Variants in SUPT3H observed in about 807,000 individuals in gnomAD.
SUPT3H encodes SPT3 homolog, SAGA and STAGA complex component.
A neutral mutation model predicts 44.3 loss-of-function variants in SUPT3H; 44 were observed. The ratio of observed to expected loss-of-function variants is 0.99; its 90% CI spans 0.78 to 1.28. SUPT3H has a LOEUF of 1.28. Ranked by LOEUF, SUPT3H falls within the 50% of genes most tolerant of loss-of-function variation. SUPT3H has a pLI of 0.00. For synonymous variants in SUPT3H, 124 were observed against 125.6 expected, an observed-to-expected ratio of 0.99 and a Z score of 0.09; for missense variants, 380 against 387.1, an observed-to-expected ratio of 0.98 and a Z score of 0.15.
chr6:45,357,508 A>G (rs1319868268), intron 2 of SUPT3H, among the ~76,000 whole-genome samples: 1 of 151,882 alleles, frequency 6.6e-6, no homozygotes, highest in South Asian at 2.1e-4. Context: ...TATTTTCTGT[A>G]GAGACAGCGT....
At chr6:45,322,674 T>C (rs530677699) in intron 2 of SUPT3H, among the ~76,000 whole-genome samples, 17 of 152,244 alleles carry the variant, frequency 1.1e-4, no homozygotes, top group African/African-American at 4.1e-4. Flanking sequence ...TCGCCTTTAC[T>C]GAAACCAATG....
intron 6 of SUPT3H, among the ~76,000 whole-genome samples, chr6:44,982,232 C>G (rs1332478746): frequency 6.6e-6 from 1 of 151,118 alleles, no homozygotes. Flanking sequence ...GTCACCCAGG[C>G]TTTTTTTTTG....
chr6:45,047,017 A>G (rs1789506318), intron 3 of SUPT3H, among the ~76,000 whole-genome samples: 1 of 152,240 alleles, frequency 6.6e-6, no homozygotes, highest in African/African-American at 2.4e-5. Flanking sequence ...GTATATAAAA[A>G]TACAATTACA....
intron 3 of SUPT3H, among the ~76,000 whole-genome samples, chr6:45,025,511 C>T (rs372513817): frequency 3.3e-5 from 5 of 152,246 alleles, no homozygotes; most frequent in African/African-American, 1.2e-4. Context: ...TATGTAAAAT[C>T]GATGGCCTTT....
rs114205392 is a variant in SUPT3H, at chr6:45,345,986, C to T, written c.101+19215G>A. 7.5e-3 allele frequency among the ~76,000 whole-genome samples: 1,143 copies of T among 152,260 alleles called. 21 individuals carry two copies. Among genetic ancestry groups the T allele is most frequent in the African/African-American group, 0.026 (1,086 of 41,538 alleles). On this transcript the variant is annotated intron_variant, in intron 2 of 10. Transcript: ENST00000371459. Reference sequence around the variant, plus strand: ...ACTTGCAATATTCCCTACCTATCCTCACTGTCACCCTACCTACAAATCTCT... The same window carrying T: ...ACTTGCAATATTCCCTACCTATCCTTACTGTCACCCTACCTACAAATCTCT...
At chr6:45,158,298 A>ATATATATATATATATATATTTT in intron 2 of SUPT3H, among the ~76,000 whole-genome samples, 2 of 99,694 alleles carry the variant, frequency 2.0e-5, no homozygotes, top group African/African-American at 1.0e-4. Flanking sequence ...ATATATATAT[A>ATATATATATATATATATATTTT]TTTTTTTTTT....
At chr6:44,991,084 T>C (rs1017757348) in intron 6 of SUPT3H, among the ~76,000 whole-genome samples, 1 of 151,952 alleles carries the variant, frequency 6.6e-6, no homozygotes, top group African/African-American at 2.4e-5. Flanking sequence ...GTGAGAATAA[T>C]GAGGAAATAA....
At chr6:45,343,733 T>G (rs1029822383) in intron 2 of SUPT3H, among the ~76,000 whole-genome samples, 1 of 152,208 alleles carries the variant, frequency 6.6e-6, no homozygotes, top group Non-Finnish European at 1.5e-5. Flanking sequence ...AAATGGTGTC[T>G]CTGTCCCATG....
chr6:44,978,787 T>G (rs1212847416), intron 6 of SUPT3H, among the ~76,000 whole-genome samples: 1 of 151,972 alleles, frequency 6.6e-6, no homozygotes, highest in East Asian at 1.9e-4. Flanking sequence ...GGGAGAGAGT[T>G]TGGTCTGTCA....
intron 2 of SUPT3H, among the ~76,000 whole-genome samples, chr6:45,198,640 T>A (rs1816481977): frequency 6.6e-6 from 1 of 151,308 alleles, no homozygotes; most frequent in African/African-American, 2.4e-5. Flanking sequence ...TAAAATAACT[T>A]CTTGATATAA....
At chr6:44,960,275 T>G (rs1444427948) in intron 7 of SUPT3H, among the ~76,000 whole-genome samples, 1 of 150,712 alleles carries the variant, frequency 6.6e-6, no homozygotes, top group Non-Finnish European at 1.5e-5. Flanking sequence ...GGTGTGGTGG[T>G]GCACGCCTGT....
chr6:45,140,673 C>T (rs1426141029), intron 2 of SUPT3H, among the ~76,000 whole-genome samples: 10 of 151,992 alleles, frequency 6.6e-5, no homozygotes, highest in Non-Finnish European at 1.5e-5. Flanking sequence ...ACCTCCAGCA[C>T]AGCAGGTTGC....
intron 3 of SUPT3H, among the ~76,000 whole-genome samples, chr6:45,061,737 T>C (rs1007011578): frequency 2.0e-5 from 3 of 152,308 alleles, no homozygotes; most frequent in Non-Finnish European, 2.9e-5. Flanking sequence ...ATTATGACTA[T>C]ATATATCAAT....
At chr6:45,297,009 T>A (rs1295604559) in intron 2 of SUPT3H, among the ~76,000 whole-genome samples, 2 of 142,958 alleles carry the variant, frequency 1.4e-5, no homozygotes, top group East Asian at 4.2e-4. Context: ...ATCTCACAAA[T>A]CACCACTAAA....
intron 11 of SUPT3H, among the ~76,000 whole-genome samples, chr6:44,818,932 T>C (rs1009513179): frequency 3.3e-5 from 5 of 152,210 alleles, no homozygotes; most frequent in African/African-American, 1.2e-4. Flanking sequence ...TAAAAATAAA[T>C]ATTCACTTAC....
chr6:44,993,682 T>C (rs1176980077), intron 6 of SUPT3H, among the ~76,000 whole-genome samples: 1 of 152,162 alleles, frequency 6.6e-6, no homozygotes, highest in Non-Finnish European at 1.5e-5. Flanking sequence ...ATATACTGAA[T>C]GACATTAATC....
intron 10 of SUPT3H, among the ~76,000 whole-genome samples, chr6:44,892,041 A>G (rs1763390671): frequency 6.6e-6 from 1 of 152,062 alleles, no homozygotes; most frequent in African/African-American, 2.4e-5. Context: ...AAATGTTAGT[A>G]TTTTCTTCCT....
At chr6:45,236,617 T>C (rs897424250) in intron 2 of SUPT3H, among the ~76,000 whole-genome samples, 3 of 151,916 alleles carry the variant, frequency 2.0e-5, no homozygotes, top group African/African-American at 7.3e-5. Flanking sequence ...GGGTGAAAAG[T>C]AGTTGCCCCA....
chr6:45,257,885 A>G (rs1039331646), intron 2 of SUPT3H, among the ~76,000 whole-genome samples: 1 of 152,218 alleles, frequency 6.6e-6, no homozygotes, highest in Non-Finnish European at 1.5e-5. Flanking sequence ...AAAATACCTC[A>G]TTTTTATTAT....
Sources: allele counts gnomAD v4.1 joint callset (sites outside exome capture counted in the v4.1 genomes callset), GRCh38; gene constraint gnomAD v4.1.1; transcripts MANE v1.5; gene names NCBI Gene and HGNC (gene_info 2026-07-23, HGNC 2026-07-21).